The following ITGA8 variants were observed in gnomAD, a reference collection of about 807,000 sequenced individuals.
The protein encoded by ITGA8 is integrin alpha-8.
A neutral mutation model predicts 142.3 loss-of-function variants in ITGA8; 91 were observed. The observed-to-expected ratio is 0.64, with a 90% CI of 0.54 to 0.76. The LOEUF (loss-of-function observed/expected upper bound fraction) is 0.76. Ranked by LOEUF, ITGA8 falls within the 30% of genes least tolerant of loss-of-function variation. ITGA8 has a pLI of 0.00. For missense variants in ITGA8, 1,406 were observed against 1,327.7 expected, an observed-to-expected ratio of 1.06 and a Z score of -0.92; for synonymous variants, 505 against 485.2, an observed-to-expected ratio of 1.04 and a Z score of -0.54.
intron 25 of ITGA8, 48 bp from the exon 26 acceptor site, chr10:15,558,250 T>G: frequency 6.2e-7 from 1 of 1,605,212 alleles, no homozygotes; most frequent in Non-Finnish European, 8.5e-7. Context: ...CATGAACAGT[T>G]GCTACATTTT....
In ITGA8 at chr10:15,556,016, CTCTTTTTT is replaced by C. The variant is rs1375145749; in HGVS notation, c.2766+2050_2766+2057del. 1.7e-3 allele frequency among the ~76,000 whole-genome samples: 156 copies of C among 94,536 alleles called. 2 individuals carry two copies. Among genetic ancestry groups the C allele is most frequent in the African/African-American group, 4.6e-3 (117 of 25,168 alleles). The allele number at this position is 94,536 out of a possible 152,430, so 62.0% of individuals were successfully genotyped here. On this transcript the variant is annotated intron_variant, in intron 26 of 29. Coordinates refer to ENST00000378076, the MANE Select transcript of ITGA8 (RefSeq NM_003638.3). Reference sequence around the variant, plus strand: ...CGGTCTTCTGCCAGGGTCTCTCTCTCTCTTTTTTTTTTTTTTTTTTTTTTTTTTGAGAC... The same window carrying C: ...CGGTCTTCTGCCAGGGTCTCTCTCTCTTTTTTTTTTTTTTTTTTTTGAGAC...
At chr10:15,588,079 C>A (rs989226282) in intron 22 of ITGA8, among the ~76,000 whole-genome samples, 13 of 152,148 alleles carry the variant, frequency 8.5e-5, no homozygotes, top group Admixed American at 5.9e-4. Context: ...CTTTTTTCAT[C>A]ATCAAACCTC....
intron 8 of ITGA8, among the ~76,000 whole-genome samples, chr10:15,668,215 C>G (rs1216229045): frequency 6.6e-6 from 1 of 152,042 alleles, no homozygotes; most frequent in Non-Finnish European, 1.5e-5. Flanking sequence ...GTATTGGGTG[C>G]ATATATATTT....
chr10:15,661,864 G>A (rs150237223), intron 8 of ITGA8, among the ~76,000 whole-genome samples: 116 of 152,238 alleles, frequency 7.6e-4, no homozygotes, highest in African/African-American at 2.5e-3. Flanking sequence ...GAAAGTTGAC[G>A]GAACTGGTAG....
At chr10:15,617,459 T>G (rs1833415345) in intron 13 of ITGA8, among the ~76,000 whole-genome samples, 1 of 151,654 alleles carries the variant, frequency 6.6e-6, no homozygotes, top group Non-Finnish European at 1.5e-5. Flanking sequence ...AGTGCCGTGG[T>G]GCAATCTCGG....
chr10:15,526,707 GCT>G (rs1362877294), intron 28 of ITGA8, among the ~76,000 whole-genome samples: 3 of 152,142 alleles, frequency 2.0e-5, no homozygotes, highest in Non-Finnish European at 4.4e-5. Flanking sequence ...AGTACTTCTA[GCT>G]ATTTTAAAAA....
chr10:15,643,665 C>T (rs1833910787), intron 13 of ITGA8, among the ~76,000 whole-genome samples: 1 of 152,154 alleles, frequency 6.6e-6, no homozygotes, highest in African/African-American at 2.4e-5. Context: ...GCTATGAGCT[C>T]AAAAGGGTTA....
At chr10:15,710,918 C>T (rs961312686) in intron 2 of ITGA8, among the ~76,000 whole-genome samples, 4 of 152,140 alleles carry the variant, frequency 2.6e-5, no homozygotes, top group Admixed American at 6.5e-5. Flanking sequence ...GAAGTCAGGG[C>T]AGACTGATAC....
chr10:15,646,703 C>G (rs1013318245), intron 12 of ITGA8, 143 bp downstream of exon 12: 2 of 590,038 alleles, frequency 3.4e-6, no homozygotes, highest in Non-Finnish European at 5.9e-6. Flanking sequence ...GTAAAGCTGC[C>G]TTGAGATTTG....
intron 20 of ITGA8, among the ~76,000 whole-genome samples, chr10:15,603,640 AT>A (rs1833142873): frequency 6.6e-6 from 1 of 152,234 alleles, no homozygotes; most frequent in African/African-American, 2.4e-5. Flanking sequence ...CATTGTTGTC[AT>A]TTAAACAAAT....
chr10:15,671,536 A>T, intron 8 of ITGA8, 67 bp downstream of exon 8: 1 of 1,323,026 alleles, frequency 7.6e-7, no homozygotes, highest in Non-Finnish European at 1.1e-6. Flanking sequence ...GATAGAAAAA[A>T]CTTTATATGC....
At chr10:15,561,238 T>TAC (rs1343045260) in intron 25 of ITGA8, among the ~76,000 whole-genome samples, 7 of 99,708 alleles carry the variant, frequency 7.0e-5, no homozygotes, top group African/African-American at 6.2e-4. Flanking sequence ...TATATATGTA[T>TAC]ATATATATAT....
At chr10:15,565,750 C>T (rs1345291994) in intron 25 of ITGA8, among the ~76,000 whole-genome samples, 1 of 151,690 alleles carries the variant, frequency 6.6e-6, no homozygotes, top group Non-Finnish European at 1.5e-5. Flanking sequence ...CCACCACGCC[C>T]AGCTAATTTT....
At chr10:15,667,050 A>G (rs1332050786) in intron 8 of ITGA8, among the ~76,000 whole-genome samples, 4 of 152,104 alleles carry the variant, frequency 2.6e-5, no homozygotes, top group African/African-American at 9.7e-5. Context: ...GTTAGGGAGG[A>G]TTCCCTCTTT....
intron 2 of ITGA8, among the ~76,000 whole-genome samples, chr10:15,714,517 C>T (rs1376758011): frequency 1.3e-5 from 2 of 152,106 alleles, no homozygotes; most frequent in Non-Finnish European, 2.9e-5. Context: ...CCCCTTGATT[C>T]TGTACAGAGC....
intron 2 of ITGA8, among the ~76,000 whole-genome samples, chr10:15,715,571 G>A (rs1835435365): frequency 6.6e-6 from 1 of 152,176 alleles, no homozygotes; most frequent in Non-Finnish European, 1.5e-5. Flanking sequence ...CTTATTTACA[G>A]AATGAGTTTT....
At chr10:15,706,119 C>G (rs1320384882) in intron 2 of ITGA8, among the ~76,000 whole-genome samples, 1 of 152,184 alleles carries the variant, frequency 6.6e-6, no homozygotes, top group Non-Finnish European at 1.5e-5. Flanking sequence ...TAATAAGCAT[C>G]TTAAATTTCA....
At chr10:15,659,399 T>C (rs1320255348) in intron 9 of ITGA8, among the ~76,000 whole-genome samples, 1 of 152,246 alleles carries the variant, frequency 6.6e-6, no homozygotes, top group African/African-American at 2.4e-5. Context: ...TCTTATTCTA[T>C]GATAAATTGA....
At chr10:15,705,451 T>G (rs556405319) in intron 2 of ITGA8, among the ~76,000 whole-genome samples, 1 of 152,302 alleles carries the variant, frequency 6.6e-6, no homozygotes, top group African/African-American at 2.4e-5. Context: ...GCAGATGAAA[T>G]GCGTTTCTGC....
Sources: gnomAD v4.1 joint callset for allele counts (sites outside exome capture counted in the v4.1 genomes callset) on GRCh38, gnomAD v4.1.1 for gene constraint, MANE v1.5 for transcripts, NCBI Gene and HGNC (gene_info 2026-07-23, HGNC 2026-07-21) for gene names.